AGBL1: variants seen among roughly 807,000 people sequenced by gnomAD.
AGBL1 encodes AGBL carboxypeptidase 1, also known as cytosolic carboxypeptidase 4.
A neutral mutation model predicts 118.9 loss-of-function variants in AGBL1; 130 were observed. That is an observed-to-expected ratio of 1.09 (90% confidence interval 0.95 to 1.26). AGBL1 has a LOEUF of 1.26. Ranked by LOEUF, AGBL1 falls within the 50% of genes most tolerant of loss-of-function variation. The pLI, the probability that AGBL1 is intolerant of heterozygous loss-of-function variation, is 0.00. For missense variants in AGBL1, 1,584 were observed against 1,298.1 expected (o/e 1.22, Z -3.38); for synonymous variants, 555 against 478.9 (o/e 1.16, Z -2.08).
chr15:86,649,702 G>GTT (rs1567102828), intron 21 of AGBL1, among the ~76,000 whole-genome samples: 1 of 136,976 alleles, frequency 7.3e-6, no homozygotes, highest in African/African-American at 3.2e-5. Context: ...GATTAATTTG[G>GTT]GTTTTTTTTC....
intron 5 of AGBL1, among the ~76,000 whole-genome samples, chr15:86,171,646 C>G (rs1409119563): frequency 6.6e-6 from 1 of 151,216 alleles, no homozygotes; most frequent in African/African-American, 2.4e-5. Context: ...AACCATAACT[C>G]CTGAGTGGAG....
At chr15:86,539,290 G>A (rs1370412608) in intron 19 of AGBL1, among the ~76,000 whole-genome samples, 2 of 152,218 alleles carry the variant, frequency 1.3e-5, no homozygotes, top group Non-Finnish European at 2.9e-5. Context: ...AAATCAAGGA[G>A]TTATTCCTAA....
At chr15:86,982,972 T>C (rs2081246658) in intron 23 of AGBL1, among the ~76,000 whole-genome samples, 1 of 152,164 alleles carries the variant, frequency 6.6e-6, no homozygotes, top group South Asian at 2.1e-4. Context: ...AATACGCCAT[T>C]TTTTAGTTGA....
At chr15:86,771,951 G>T (rs1411702726) in intron 22 of AGBL1, among the ~76,000 whole-genome samples, 1 of 151,944 alleles carries the variant, frequency 6.6e-6, no homozygotes, top group Non-Finnish European at 1.5e-5. Context: ...AGATACGGAA[G>T]TTCTTGTGTG....
intron 18 of AGBL1, among the ~76,000 whole-genome samples, chr15:86,406,087 C>G (rs888957057): frequency 6.6e-6 from 1 of 152,156 alleles, no homozygotes. Context: ...GCTGCTGATG[C>G]CTTTGATGGA....
intron 17 of AGBL1, among the ~76,000 whole-genome samples, chr15:86,331,549 G>C (rs2080269155): frequency 6.6e-6 from 1 of 152,158 alleles, no homozygotes; most frequent in Non-Finnish European, 1.5e-5. Context: ...AAGGCAGCTA[G>C]GGAAAAAGGT....
intron 22 of AGBL1, among the ~76,000 whole-genome samples, chr15:86,760,094 C>A (rs1223521449): frequency 6.6e-6 from 1 of 152,050 alleles, no homozygotes; most frequent in Non-Finnish European, 1.5e-5. Context: ...CACTGATGAT[C>A]AACTACCTCT....
At chr15:86,347,307 G>A (rs1346533545) in intron 17 of AGBL1, among the ~76,000 whole-genome samples, 1 of 152,152 alleles carries the variant, frequency 6.6e-6, no homozygotes, top group Non-Finnish European at 1.5e-5. Context: ...AAAGTCCCAG[G>A]TGGCAATTGT....
intron 17 of AGBL1, among the ~76,000 whole-genome samples, chr15:86,352,358 A>G (rs1179632830): frequency 2.6e-5 from 4 of 152,186 alleles, no homozygotes; most frequent in Admixed American, 2.6e-4. Flanking sequence ...GATCTTTGCA[A>G]CATGTCAGTA....
chr15:86,331,885 A>G (rs549411683), intron 17 of AGBL1, among the ~76,000 whole-genome samples: 1 of 152,234 alleles, frequency 6.6e-6, no homozygotes, highest in Non-Finnish European at 1.5e-5. Context: ...GCAATCACAC[A>G]GTAGAAACTA....
chr15:86,122,489 T>C (rs1052725136), intron 1 of AGBL1, among the ~76,000 whole-genome samples: 1 of 152,138 alleles, frequency 6.6e-6, no homozygotes, highest in Non-Finnish European at 1.5e-5. Context: ...TGCAGAAACA[T>C]GGCATGCATC....
chr15:86,697,118 A>G (rs934007378), intron 22 of AGBL1, among the ~76,000 whole-genome samples: 9 of 151,768 alleles, frequency 5.9e-5, no homozygotes, highest in Non-Finnish European at 2.9e-5. Context: ...TGTTCTTTCA[A>G]CTTCTTGTAT....
intron 5 of AGBL1, among the ~76,000 whole-genome samples, chr15:86,163,306 G>A (rs970138030): frequency 1.3e-5 from 2 of 152,224 alleles, no homozygotes; most frequent in African/African-American, 2.4e-5. Context: ...GTGCACACCT[G>A]TAGTCCCAGC....
At chr15:86,482,765 G>T (rs774181096) in intron 18 of AGBL1, among the ~76,000 whole-genome samples, 3 of 151,958 alleles carry the variant, frequency 2.0e-5, no homozygotes, top group Non-Finnish European at 4.4e-5. Flanking sequence ...TCTATACACA[G>T]TCAACATAGA....
chr15:86,987,222 G>T (rs146443959), intron 23 of AGBL1, among the ~76,000 whole-genome samples: 166 of 152,228 alleles, frequency 1.1e-3, no homozygotes, highest in African/African-American at 3.8e-3. Flanking sequence ...AGGTCACAGG[G>T]GATATGATGG....
intron 18 of AGBL1, among the ~76,000 whole-genome samples, chr15:86,409,661 C>A (rs1431240): frequency 0.065 from 9,899 of 152,192 alleles, 900 homozygotes; most frequent in East Asian, 0.42. Context: ...CCAGCTCTTG[C>A]CAACTGTGCC....
chr15:86,834,604 G>C (rs1172664514), intron 22 of AGBL1, among the ~76,000 whole-genome samples: 1 of 151,568 alleles, frequency 6.6e-6, no homozygotes, highest in Non-Finnish European at 1.5e-5. Context: ...GGGGAACACT[G>C]TATCAGGCAC....
intron 17 of AGBL1, among the ~76,000 whole-genome samples, chr15:86,330,335 T>C (rs2080250535): frequency 6.6e-6 from 1 of 152,190 alleles, no homozygotes; most frequent in South Asian, 2.1e-4. Context: ...TGCCGACAGA[T>C]GTGCATAATA....
intron 21 of AGBL1, among the ~76,000 whole-genome samples, chr15:86,638,075 A>G (rs947122633): frequency 6.6e-6 from 1 of 152,106 alleles, no homozygotes; most frequent in Non-Finnish European, 1.5e-5. Flanking sequence ...CTTCGGGACT[A>G]CTTCTCATCT....
Sources: allele counts gnomAD v4.1 joint callset (sites outside exome capture counted in the v4.1 genomes callset), GRCh38; gene constraint gnomAD v4.1.1; transcripts MANE v1.5; gene names NCBI Gene and HGNC (gene_info 2026-07-23, HGNC 2026-07-21).